CNTNAP2: variants seen among roughly 807,000 people sequenced by gnomAD.
CNTNAP2 encodes contactin-associated protein-like 2.
In CNTNAP2, 98 loss-of-function variants were observed where a neutral mutation model predicts 155.2. The observed-to-expected ratio is 0.63, with a 90% CI of 0.54 to 0.75. The LOEUF (loss-of-function observed/expected upper bound fraction) is 0.75. CNTNAP2 is among the 30% of genes least tolerant of loss of function. The pLI is 0.00. For synonymous variants in CNTNAP2, 651 were observed against 631.2 expected (o/e 1.03, Z -0.47); for missense variants, 1,727 against 1,688.1 (o/e 1.02, Z -0.40).
chr7:147,308,819 C>G (rs1300875625), intron 9 of CNTNAP2, among the ~76,000 whole-genome samples: 1 of 152,132 alleles, frequency 6.6e-6, no homozygotes, highest in East Asian at 1.9e-4. Context: ...CGAAATTCCT[C>G]AGATCAAGTC....
chr7:147,280,504 G>A (rs1348172785), intron 8 of CNTNAP2, among the ~76,000 whole-genome samples: 2 of 151,704 alleles, frequency 1.3e-5, no homozygotes, highest in Admixed American at 1.3e-4. Context: ...TTCAGCTTAG[G>A]GTTTTTTATT....
At chr7:148,118,815 G>A (rs1185087205) in intron 16 of CNTNAP2, among the ~76,000 whole-genome samples, 1 of 152,158 alleles carries the variant, frequency 6.6e-6, no homozygotes, top group Non-Finnish European at 1.5e-5. Context: ...CCCTCTGCAA[G>A]TGAGTTCTGG....
chr7:147,531,956 G>A (rs1422640516), intron 11 of CNTNAP2, among the ~76,000 whole-genome samples: 1 of 151,910 alleles, frequency 6.6e-6, no homozygotes, highest in Admixed American at 6.6e-5. Context: ...ACAGGTGCCT[G>A]CCACCATGTC....
rs1453246381 is a variant in CNTNAP2, at chr7:147,132,395, T to G, written c.1234T>G (p.Phe412Val). 1.2e-6 allele frequency: 2 copies of G among 1,613,550 alleles called. No individual in the cohort carries two copies. Among genetic ancestry groups the G allele is most frequent in the Non-Finnish European group, 1.7e-6 (2 of 1,179,796 alleles). Residue 412 changes from phenylalanine (F) to valine (V), a missense_variant, in exon 8 of 24, where the codon TTC becomes GTC. By Grantham distance (50) the Phe-to-Val change is conservative (BLOSUM62 -1). Coordinates refer to ENST00000361727, the MANE Select transcript of CNTNAP2 (RefSeq NM_014141.6). ...RTWNPNGLLVFSHFADNLGNV... is the reference protein window; with the variant it reads ...RTWNPNGLLVVSHFADNLGNV... ...ATGGAACCCCAATGGTCTCCTGGTC[T>G]TCAGTCACTTTGCGGATAATTTGGG... is the stretch of plus-strand genomic sequence containing the variant.
At chr7:146,796,678 G>C (rs1007726009) in intron 2 of CNTNAP2, among the ~76,000 whole-genome samples, 1 of 152,008 alleles carries the variant, frequency 6.6e-6, no homozygotes, top group African/African-American at 2.4e-5. Context: ...CTTAAAAACT[G>C]AATAACCTCA....
At chr7:147,978,426 A>T (rs1350733764) in intron 15 of CNTNAP2, among the ~76,000 whole-genome samples, 1 of 152,136 alleles carries the variant, frequency 6.6e-6, no homozygotes, top group African/African-American at 2.4e-5. Context: ...TTATGGCCAT[A>T]TAAAGTTTGA....
chr7:148,260,877 G>A (rs1030169648), intron 20 of CNTNAP2, among the ~76,000 whole-genome samples: 8 of 152,180 alleles, frequency 5.3e-5, no homozygotes, highest in Non-Finnish European at 1.2e-4. Flanking sequence ...AGATCCAAAA[G>A]CAGCCAGGCC....
chr7:147,415,298 A>G (rs934723583), intron 10 of CNTNAP2, among the ~76,000 whole-genome samples: 1 of 152,202 alleles, frequency 6.6e-6, no homozygotes, highest in Admixed American at 6.5e-5. Context: ...TACAGAGATC[A>G]GTTCAAGCTA....
intron 3 of CNTNAP2, among the ~76,000 whole-genome samples, chr7:146,952,637 GACAA>G (rs1288989384): frequency 5.9e-5 from 9 of 151,990 alleles, no homozygotes; most frequent in East Asian, 1.9e-4. Flanking sequence ...ACCAATAATA[GACAA>G]ACAAAGAGCC....
At chr7:147,146,928 A>G (rs1197090121) in intron 8 of CNTNAP2, among the ~76,000 whole-genome samples, 1 of 152,214 alleles carries the variant, frequency 6.6e-6, no homozygotes, top group East Asian at 1.9e-4. Flanking sequence ...TGCTGGGATC[A>G]CATAGAAGCT....
chr7:146,983,584 A>C (rs780869718), intron 3 of CNTNAP2, among the ~76,000 whole-genome samples: 1 of 152,160 alleles, frequency 6.6e-6, no homozygotes, highest in Non-Finnish European at 1.5e-5. Context: ...TCCATATTAC[A>C]TTTGAATCTT....
intron 4 of CNTNAP2, among the ~76,000 whole-genome samples, chr7:147,076,498 ATTTG>A (rs1418823471): frequency 5.3e-5 from 8 of 152,098 alleles, no homozygotes; most frequent in Admixed American, 1.3e-4. Context: ...TTTCTTGCAA[ATTTG>A]TTTAAGTTCT....
intron 10 of CNTNAP2, among the ~76,000 whole-genome samples, chr7:147,436,010 T>A (rs1382295943): frequency 1.3e-5 from 2 of 152,204 alleles, no homozygotes; most frequent in Non-Finnish European, 2.9e-5. Flanking sequence ...AAGTTTCATG[T>A]GACCATTCAA....
At chr7:146,148,591 G>A (rs1235168367) in intron 1 of CNTNAP2, among the ~76,000 whole-genome samples, 5 of 151,864 alleles carry the variant, frequency 3.3e-5, no homozygotes, top group Non-Finnish European at 5.9e-5. Context: ...TTTTATGCTG[G>A]GAAATTCAGA....
chr7:146,777,914 T>A (rs115949725), intron 2 of CNTNAP2, among the ~76,000 whole-genome samples: 2,097 of 148,970 alleles, frequency 0.014, 46 homozygotes, highest in African/African-American at 0.049. Flanking sequence ...TTTTTTTTTT[T>A]AAGTATAGCA....
rs551984326 is a variant in CNTNAP2 at position 146,655,218 on chromosome 7, G to A, written c.98-119053G>A. Among the ~76,000 whole-genome samples the A allele has an allele frequency of 2.0e-5, 3 of 151,752 alleles. No homozygotes were observed. The East Asian group carries it at 5.8e-4, about 30-fold the overall frequency. ...ACCTGAGGTCAGGAGTTCAAGACCA[G>A]CCCAACCAACATGGCAAAACCCTGT... On this transcript the variant is annotated intron_variant, in intron 1 of 23. Transcript: ENST00000361727.
intron 3 of CNTNAP2, among the ~76,000 whole-genome samples, chr7:146,938,413 A>T (rs999626870): frequency 3.3e-5 from 5 of 150,378 alleles, no homozygotes; most frequent in Non-Finnish European, 5.9e-5. Context: ...TTATATATAC[A>T]TATATGTGTG....
chr7:148,030,425 A>G (rs1255087873), intron 15 of CNTNAP2, among the ~76,000 whole-genome samples: 1 of 152,142 alleles, frequency 6.6e-6, no homozygotes, highest in Non-Finnish European at 1.5e-5. Context: ...GAAAAGTTTG[A>G]TTGTCTTTAA....
In CNTNAP2 at chr7:146,365,380, C is replaced by T. The variant is rs144640297; in HGVS notation, c.97+248407C>T. 2.1e-3 allele frequency among the ~76,000 whole-genome samples: 313 copies of T among 152,216 alleles called. 3 individuals are homozygous for T. Among genetic ancestry groups the T allele is most frequent in the African/African-American group, 7.1e-3 (293 of 41,546 alleles). On this transcript the variant is annotated intron_variant, in intron 1 of 23. Coordinates refer to ENST00000361727, the MANE Select transcript of CNTNAP2 (RefSeq NM_014141.6). ...AAACTTGTTTTGGTTTCCCTTTTTC[C>T]TTTTCATTCCCTCATTCTTCACACA... is the stretch of plus-strand genomic sequence containing the variant.
Sources: allele counts gnomAD v4.1 joint callset (sites outside exome capture counted in the v4.1 genomes callset), GRCh38; gene constraint gnomAD v4.1.1; transcripts MANE v1.5; gene names NCBI Gene and HGNC (gene_info 2026-07-23, HGNC 2026-07-21).